The following TTC13 variants were observed in gnomAD, a reference collection of about 807,000 sequenced individuals.
The protein encoded by TTC13 is tetratricopeptide repeat domain 13.
A neutral mutation model predicts 120.0 loss-of-function variants in TTC13; 62 were observed. That is an observed-to-expected ratio of 0.52 (90% CI 0.42 to 0.64). TTC13 has a LOEUF of 0.64. Ranked by LOEUF, TTC13 falls within the 30% of genes least tolerant of loss-of-function variation. The pLI is 0.00. For synonymous variants in TTC13, 384 were observed against 393.5 expected (o/e 0.98, Z 0.28); for missense variants, 824 against 1,050.2 (o/e 0.78, Z 2.98).
intron 1 of TTC13, among the ~76,000 whole-genome samples, chr1:230,972,924 C>T (rs776188606): frequency 1.1e-4 from 17 of 152,308 alleles, no homozygotes; most frequent in Middle Eastern, 3.4e-3. Flanking sequence ...CTGGCAATGC[C>T]ACAGGGGCCA....
rs754158150 is a variant in TTC13 at position 230,908,714 on chromosome 1, T to C, written c.2466A>G (p.Lys822=). The change falls in exon 22 of 23, where the codon AAA becomes AAG. Residue 822 remains lysine, a splice_region_variant and synonymous_variant. Coordinates refer to ENST00000366661, the MANE Select transcript of TTC13 (RefSeq NM_024525.5). Reference sequence around the variant, plus strand: ...GTGGACCCCCCTCAAGTAGTTACCTTTTCAAGTTCATCCAGCTTTTGGCGA... The same window carrying C: ...GTGGACCCCCCTCAAGTAGTTACCTCTTCAAGTTCATCCAGCTTTTGGCGA... ...SKVAKSWMNL[K]SISPSYKTLP... is the part of the protein sequence containing the mutation. 1 of 1,613,168 alleles carries C rather than the reference T, an allele frequency of 6.2e-7. No homozygotes were observed. The highest frequency in any genetic ancestry group is 8.5e-7 in the Non-Finnish European group (1 of 1,179,174).
At position 230,931,868 on chromosome 1, in the gene TTC13, G is replaced by T. The variant is rs770131332; in HGVS notation, c.993C>A (p.Gly331=). 1 of 1,614,052 alleles carries T rather than the reference G, an allele frequency of 6.2e-7. No homozygotes were observed. Among genetic ancestry groups the T allele is most frequent in the East Asian group, 2.2e-5 (1 of 44,882 alleles). The change falls in exon 10 of 23, where the codon GGC becomes GGA. Residue 331 remains glycine, a synonymous_variant. Coordinates refer to ENST00000366661, the MANE Select transcript of TTC13 (RefSeq NM_024525.5). Reference sequence around the variant, plus strand: ...AGCTCTCAGTGGCTGCTTCAAAATTGCCCAGTTCTCTAGGTATTTAATAAT... The same window carrying T: ...AGCTCTCAGTGGCTGCTTCAAAATTTCCCAGTTCTCTAGGTATTTAATAAT... ...KSLGQAYREL[G]NFEAATESFQ...
chr1:230,923,462 T>G (rs1273962162), intron 15 of TTC13, among the ~76,000 whole-genome samples: 3 of 151,816 alleles, frequency 2.0e-5, no homozygotes, highest in African/African-American at 7.3e-5. Flanking sequence ...ACGAGAGACT[T>G]GTCAAATAAT....
intron 1 of TTC13, among the ~76,000 whole-genome samples, chr1:230,968,761 T>C (rs1677415986): frequency 2.0e-5 from 3 of 151,882 alleles, no homozygotes. Context: ...AGGGAAGAAG[T>C]GGTGCCATCA....
At chr1:230,931,986 G>T in intron 9 of TTC13, 109 bp from the exon 10 acceptor site, 1 of 1,071,264 alleles carries the variant, frequency 9.3e-7, no homozygotes, top group Non-Finnish European at 1.3e-6. Context: ...ACCTTGATGG[G>T]AGTGTTCCCT....
chr1:230,921,406 A>C lies in TTC13; in HGVS notation c.1898+15T>G, dbSNP rs1210720075. ...AATCAACTCATTACTAAGAAGGAGA[A>C]AATTAAAGGCTTACCCATGATAAAC... is the stretch of plus-strand genomic sequence containing the variant. On this transcript the variant is annotated intron_variant, in intron 16 of 22. Coordinates refer to ENST00000366661, the MANE Select transcript of TTC13 (RefSeq NM_024525.5). The C allele has an allele frequency of 1.5e-6, 2 of 1,375,264 alleles. No homozygotes were observed. The highest frequency in any genetic ancestry group is 2.0e-6 in the Non-Finnish European group (2 of 988,680). The allele number at this position is 1,375,264 out of a possible 1,614,324, so 85.2% of individuals were successfully genotyped here. A position where few individuals can be genotyped will look rare whatever the true frequency, so the allele number is the denominator to read the frequency against.
At chr1:230,919,712 T>C (rs577578064) in intron 17 of TTC13, among the ~76,000 whole-genome samples, 1 of 152,340 alleles carries the variant, frequency 6.6e-6, no homozygotes, top group South Asian at 2.1e-4. Context: ...GTTGTGGGCC[T>C]TACTGTAAAG....
At chr1:230,974,089 AAAG>A (rs1454810484) in intron 1 of TTC13, among the ~76,000 whole-genome samples, 1 of 152,014 alleles carries the variant, frequency 6.6e-6, no homozygotes, top group Non-Finnish European at 1.5e-5. Context: ...AAAAAAAAAA[AAAG>A]AAGAGCAGAG....
At chr1:230,964,512 T>C (rs1676946167) in intron 1 of TTC13, among the ~76,000 whole-genome samples, 1 of 152,204 alleles carries the variant, frequency 6.6e-6, no homozygotes. Flanking sequence ...ATCTCCACTT[T>C]TGTAAATCAC....
Position 230,914,397 on chromosome 1 carries a change from CTTTTT to C in TTC13, c.2094-1644_2094-1640del, listed in dbSNP as rs372455166. ...TTAAGTATATTTTCCTTATTATTTTCTTTTTTTTTCTCTTTTTGAGATGGAGTTCA... is the reference window on the plus strand; with the variant it reads ...TTAAGTATATTTTCCTTATTATTTTCTTTTCTCTTTTTGAGATGGAGTTCA... On this transcript the variant is annotated intron_variant, in intron 18 of 22. Coordinates refer to ENST00000366661, the MANE Select transcript of TTC13 (RefSeq NM_024525.5). Among the ~76,000 whole-genome samples the C allele has an allele frequency of 5.6e-5, 8 of 141,994 alleles. No individual in the cohort carries two copies. The East Asian group carries it at 1.5e-3, about 27-fold the overall frequency. The allele number at this position is 141,994 out of a possible 152,430, so 93.2% of individuals were successfully genotyped here.
chr1:230,976,555 G>A (rs1046193195), intron 1 of TTC13, among the ~76,000 whole-genome samples: 2 of 152,204 alleles, frequency 1.3e-5, no homozygotes, highest in African/African-American at 4.8e-5. Flanking sequence ...GGTGACCACA[G>A]CGGCAGCTGC....
At chr1:230,916,450 G>A (rs1672039474) in intron 17 of TTC13, 148 bp from the exon 18 acceptor site, 1 of 660,978 alleles carries the variant, frequency 1.5e-6, no homozygotes, top group Admixed American at 2.2e-5. Flanking sequence ...TGGTGGCCAA[G>A]GACATCTCTG....
At chr1:230,919,098 T>C (rs1393833764) in intron 17 of TTC13, among the ~76,000 whole-genome samples, 1 of 152,218 alleles carries the variant, frequency 6.6e-6, no homozygotes, top group African/African-American at 2.4e-5. Context: ...GTTTCCATTA[T>C]TGATATTGCC....
intron 4 of TTC13, among the ~76,000 whole-genome samples, chr1:230,952,933 C>T (rs1423243081): frequency 2.0e-5 from 3 of 152,052 alleles, no homozygotes; most frequent in Non-Finnish European, 4.4e-5. Flanking sequence ...ATGGTAATAA[C>T]ATTTTCAAAA....
intron 1 of TTC13, 140 bp from the exon 2 acceptor site, chr1:230,961,443 G>T: frequency 1.6e-6 from 1 of 621,606 alleles, no homozygotes; most frequent in Non-Finnish European, 2.8e-6. Context: ...AACCAGCTGG[G>T]CACAGTGCCT....
At chr1:230,945,761 T>A (rs1674933951) in intron 4 of TTC13, among the ~76,000 whole-genome samples, 1 of 152,192 alleles carries the variant, frequency 6.6e-6, no homozygotes, top group Non-Finnish European at 1.5e-5. Context: ...TCAACAACTC[T>A]GGCAGCATCA....
At chr1:230,924,756 G>A in intron 14 of TTC13, 85 bp downstream of exon 14, 1 of 1,517,842 alleles carries the variant, frequency 6.6e-7, no homozygotes, top group Non-Finnish European at 9.0e-7. Context: ...AGCAAAACAG[G>A]GTTCATAGCC....
At chr1:230,955,618 C>A (rs1413813133) in intron 3 of TTC13, among the ~76,000 whole-genome samples, 8 of 144,494 alleles carry the variant, frequency 5.5e-5, no homozygotes, top group Admixed American at 2.1e-4. Flanking sequence ...TTGCAGTGAG[C>A]CGAGATGGCG....
At chr1:230,930,632 A>G (rs2102833406) in intron 11 of TTC13, among the ~76,000 whole-genome samples, 1 of 152,332 alleles carries the variant, frequency 6.6e-6, no homozygotes, top group African/African-American at 2.4e-5. Flanking sequence ...TTTAACAGTA[A>G]GAACCAGCTG....
Sources: allele counts gnomAD v4.1 joint callset (sites outside exome capture counted in the v4.1 genomes callset), GRCh38; gene constraint gnomAD v4.1.1; transcripts MANE v1.5; gene names NCBI Gene and HGNC (gene_info 2026-07-23, HGNC 2026-07-21).